Variants in CCDC73 observed in about 807,000 individuals in gnomAD.
CCDC73 encodes the protein coiled-coil domain containing 73.
Under a neutral mutation model 116.5 loss-of-function variants are expected in CCDC73, and 95 were observed. The observed-to-expected ratio is 0.82, with a 90% CI of 0.69 to 0.97. The LOEUF (loss-of-function observed/expected upper bound fraction) is 0.97. Among genes scored for constraint, CCDC73 ranks in the 50% least tolerant of loss-of-function variants. The pLI, the probability that CCDC73 is intolerant of heterozygous loss-of-function variation, is 0.00. For missense variants in CCDC73, 1,066 were observed against 1,206.8 expected (o/e 0.88, Z 1.73); for synonymous variants, 398 against 401.3 (o/e 0.99, Z 0.10).
chr11:32,789,024 AAT>A (rs1850650737), intron 1 of CCDC73, among the ~76,000 whole-genome samples: 1 of 152,198 alleles, frequency 6.6e-6, no homozygotes, highest in African/African-American at 2.4e-5. Context: ...CCATTGCAAA[AAT>A]AGTTATAATT....
chr11:32,715,946 T>C (rs1046425607), intron 3 of CCDC73, among the ~76,000 whole-genome samples: 8 of 151,958 alleles, frequency 5.3e-5, no homozygotes, highest in African/African-American at 1.7e-4. Context: ...CATTACAAAA[T>C]TTGCCCAATC....
intron 6 of CCDC73, among the ~76,000 whole-genome samples, chr11:32,688,557 A>G (rs537505552): frequency 6.6e-6 from 1 of 152,324 alleles, no homozygotes; most frequent in African/African-American, 2.4e-5. Context: ...TTATGTACCA[A>G]TGTTAACTTC....
chr11:32,816,248 G>A, the CCDC73 span, among the ~76,000 whole-genome samples: 1 of 152,106 alleles, frequency 6.6e-6, no homozygotes, highest in Admixed American at 6.5e-5. Context: ...AAATTTGAGA[G>A]TTGTCAGCAC....
chr11:32,764,437 TA>T (rs1850422004), intron 1 of CCDC73, among the ~76,000 whole-genome samples: 1 of 152,138 alleles, frequency 6.6e-6, no homozygotes, highest in Non-Finnish European at 1.5e-5. Flanking sequence ...CCACAAGCCA[TA>T]AGAGACTGTG....
intron 7 of CCDC73, among the ~76,000 whole-genome samples, chr11:32,678,824 A>C (rs1162657086): frequency 6.6e-6 from 1 of 151,354 alleles, no homozygotes; most frequent in Non-Finnish European, 1.5e-5. Context: ...CAGAGGTTGC[A>C]GTGAGCTGAG....
chr11:32,821,567 A>G, the CCDC73 span, among the ~76,000 whole-genome samples: 1 of 152,222 alleles, frequency 6.6e-6, no homozygotes, highest in Non-Finnish European at 1.5e-5. Context: ...AGAAAAAAGT[A>G]TATCTTTTAT....
chr11:32,679,001 A>G (rs1427084050), intron 7 of CCDC73, among the ~76,000 whole-genome samples: 2 of 152,098 alleles, frequency 1.3e-5, no homozygotes, highest in Non-Finnish European at 2.9e-5. Context: ...TGACAGTCTT[A>G]ACTTTTTCAA....
intron 1 of CCDC73, among the ~76,000 whole-genome samples, chr11:32,774,208 G>A (rs1373393778): frequency 1.3e-5 from 2 of 152,142 alleles, no homozygotes; most frequent in Non-Finnish European, 2.9e-5. Flanking sequence ...AAAGGTTCAA[G>A]TACTCTATAG....
chr11:32,605,139 A>G (rs1020269848), intron 17 of CCDC73: 1 of 137,480 alleles, frequency 7.3e-6, no homozygotes, highest in Admixed American at 7.7e-5. Context: ...GGCATGAGCC[A>G]CCCTGCCCGA....
At chr11:32,830,200 G>A in the CCDC73 span, 1 of 1,068,988 alleles carries the variant, frequency 9.4e-7, no homozygotes, top group Admixed American at 5.1e-5. Flanking sequence ...CAGGACCTCG[G>A]CGGGGAGGGG....
At chr11:32,782,972 A>G (rs1364936478) in intron 1 of CCDC73, among the ~76,000 whole-genome samples, 1 of 152,150 alleles carries the variant, frequency 6.6e-6, no homozygotes, top group African/African-American at 2.4e-5. Flanking sequence ...CTGTACCCTA[A>G]AAGTCCCAGA....
rs760140094 is a variant in CCDC73 at position 32,675,587 on chromosome 11, GCTT to G, written c.620_622del (p.Glu207del). On this transcript the variant is annotated inframe_deletion, in exon 9 of 18. Transcript: ENST00000335185. ...TACCTTCTTTAAACTGCATATTTCA[GCTT>G]CTTGTTTTTTATTTAAAGCTGAAAG... 3.2e-6 allele frequency: 5 copies of G among 1,584,780 alleles called. No individual in the cohort carries two copies. Among genetic ancestry groups the G allele is most frequent in the Non-Finnish European group, 4.3e-6 (5 of 1,167,994 alleles).
At chr11:32,720,958 T>A (rs974667668) in intron 2 of CCDC73, among the ~76,000 whole-genome samples, 1 of 152,190 alleles carries the variant, frequency 6.6e-6, no homozygotes, top group Admixed American at 6.5e-5. Flanking sequence ...TCATTGTATA[T>A]AAACTTTAAT....
At chr11:32,792,276 T>C (rs1850683302) in intron 1 of CCDC73, among the ~76,000 whole-genome samples, 2 of 151,918 alleles carry the variant, frequency 1.3e-5, no homozygotes. Flanking sequence ...TTTTTTTTAA[T>C]GAAAGGCTAG....
intron 2 of CCDC73, among the ~76,000 whole-genome samples, chr11:32,721,123 C>T (rs1032638707): frequency 3.3e-5 from 5 of 152,194 alleles, no homozygotes; most frequent in African/African-American, 9.7e-5. Flanking sequence ...ATCCCAGGTT[C>T]AAGCAATTCT....
chr11:32,711,599 G>A (rs1849901284), intron 3 of CCDC73, among the ~76,000 whole-genome samples: 1 of 152,232 alleles, frequency 6.6e-6, no homozygotes, highest in Admixed American at 6.5e-5. Flanking sequence ...ATTGGACTTT[G>A]GGGAATCAGG....
At chr11:32,654,733 C>T in intron 10 of CCDC73, 111 bp downstream of exon 10, 2 of 763,250 alleles carry the variant, frequency 2.6e-6, no homozygotes, top group South Asian at 4.6e-5. Flanking sequence ...ATACCTTTAA[C>T]TATGCATATT....
the CCDC73 span, among the ~76,000 whole-genome samples, chr11:32,799,841 T>C: frequency 2.6e-5 from 4 of 152,220 alleles, no homozygotes; most frequent in African/African-American, 4.8e-5. Flanking sequence ...ACTTAAATGC[T>C]ATAGTAAAAA....
In CCDC73 at chr11:32,620,347, C is replaced by T. The variant is rs114183883; in HGVS notation, c.1186-4218G>A. ...GTTGAGAGGGTGGGAGAAGGATAAACACACATGCACCCAAGACAGAAACCA... is the reference window on the plus strand; with the variant it reads ...GTTGAGAGGGTGGGAGAAGGATAAATACACATGCACCCAAGACAGAAACCA... On this transcript the variant is annotated intron_variant, in intron 14 of 17. Coordinates refer to ENST00000335185, the MANE Select transcript of CCDC73 (RefSeq NM_001008391.4). Among the ~76,000 whole-genome samples the T allele has an allele frequency of 3.7e-3, 561 of 152,230 alleles. 5 individuals are homozygous for T. The highest frequency in any genetic ancestry group is 0.013 in the African/African-American group (542 of 41,526).
Sources: allele counts gnomAD v4.1 joint callset (sites outside exome capture counted in the v4.1 genomes callset), GRCh38; gene constraint gnomAD v4.1.1; transcripts MANE v1.5; gene names NCBI Gene and HGNC (gene_info 2026-07-23, HGNC 2026-07-21).